TSPEAR: variants seen among roughly 807,000 people sequenced by gnomAD.
TSPEAR encodes the protein thrombospondin-type laminin G domain and EAR repeat-containing protein.
Under a neutral mutation model 71.6 loss-of-function variants are expected in TSPEAR, and 69 were observed. The observed-to-expected ratio is 0.96, with a 90% confidence interval of 0.79 to 1.18. The LOEUF is 1.18. Among genes scored for constraint, TSPEAR ranks in the 50% most tolerant of loss-of-function variants. The pLI, the probability that TSPEAR is intolerant of heterozygous loss-of-function variation, is 0.00. For synonymous variants in TSPEAR, 402 were observed against 387.2 expected (o/e 1.04, Z -0.45); for missense variants, 971 against 894.9 (o/e 1.09, Z -1.09).
intron 1 of TSPEAR, among the ~76,000 whole-genome samples, chr21:44,633,826 G>A (rs1379550457): frequency 6.6e-6 from 1 of 151,896 alleles, no homozygotes; most frequent in Non-Finnish European, 1.5e-5. Context: ...GTGACTTATT[G>A]AAGTCTTCAA....
chr21:44,685,351 C>T (rs1397405441), intron 1 of TSPEAR, among the ~76,000 whole-genome samples: 2 of 151,930 alleles, frequency 1.3e-5, no homozygotes, highest in South Asian at 2.1e-4. Context: ...TGAGGAGGAG[C>T]GTGCCATCCA....
rs1309305394 is a variant in TSPEAR, at chr21:44,710,315, G to A, written c.82+1118C>T. ...CTGTCCCCAACACCCAGGCAGTAAT[G>A]GTTCCAGCACGGAAGGTCTACCTAC... On this transcript the variant is annotated intron_variant, in intron 1 of 11. Transcript: ENST00000323084. The surrounding 1 kb of genome is among the most constrained non-coding windows in gnomAD (Gnocchi z 4.6). Among the ~76,000 whole-genome samples the A allele has an allele frequency of 6.6e-6, 1 of 152,180 alleles. No individual in the cohort carries two copies. Among genetic ancestry groups the A allele is most frequent in the Admixed American group, 6.5e-5 (1 of 15,292 alleles).
intron 1 of TSPEAR, chr21:44,574,659 T>C: frequency 6.2e-7 from 1 of 1,602,242 alleles, no homozygotes; most frequent in East Asian, 2.3e-5. Context: ...CTGCCAGCAG[T>C]CTAGCTGCCA....
rs562752434 is a variant in TSPEAR, at chr21:44,702,256, G to A, written c.82+9177C>T. Reference sequence around the variant, plus strand: ...TTCCACCAACTCCTGGCAGGTGGACGACTGCCCGGAGAGCTGCTGCGAGCC... The same window carrying A: ...TTCCACCAACTCCTGGCAGGTGGACAACTGCCCGGAGAGCTGCTGCGAGCC... On this transcript the variant is annotated intron_variant, in intron 1 of 11. Transcript: ENST00000323084. 172 of 1,605,336 alleles carry A rather than the reference G, an allele frequency of 1.1e-4. No homozygotes were observed. In the South Asian group the frequency reaches 1.3e-3, roughly 12 times the overall value.
At chr21:44,689,734 T>TATATATATATATATATAA (rs1200945937) in intron 1 of TSPEAR, among the ~76,000 whole-genome samples, 2 of 123,540 alleles carry the variant, frequency 1.6e-5, no homozygotes, top group Non-Finnish European at 3.3e-5. Context: ...TATATATATA[T>TATATATATATATATATAA]ATATATTTTG....
At chr21:44,570,462 C>A (rs1453434065) in intron 1 of TSPEAR, among the ~76,000 whole-genome samples, 1 of 152,172 alleles carries the variant, frequency 6.6e-6, no homozygotes, top group Non-Finnish European at 1.5e-5. Flanking sequence ...TTGACTCTAT[C>A]ATCGGTGAGA....
chr21:44,709,307 C>T (rs1381949741), intron 1 of TSPEAR, among the ~76,000 whole-genome samples: 1 of 152,246 alleles, frequency 6.6e-6, no homozygotes, highest in Non-Finnish European at 1.5e-5. Context: ...TTACAAGAAT[C>T]GGAAGGGTCC....
chr21:44,671,992 G>C (rs1986076379), intron 1 of TSPEAR, among the ~76,000 whole-genome samples: 1 of 151,966 alleles, frequency 6.6e-6, no homozygotes, highest in Admixed American at 6.5e-5. Flanking sequence ...AATCACCAAA[G>C]AGACAGATAT....
In TSPEAR at chr21:44,575,059, G is replaced by A. The variant is rs9979422; in HGVS notation, c.83-7054C>T. 11,582 of 1,544,100 alleles carry A rather than the reference G, an allele frequency of 7.5e-3. 746 individuals are homozygous for A. The African/African-American group carries it at 0.14, about 18-fold the overall frequency. On this transcript the variant is annotated intron_variant, in intron 1 of 11. Coordinates refer to ENST00000323084, the MANE Select transcript of TSPEAR (RefSeq NM_144991.3). ...CGCCCCCCAGTGCCAGCCAGGCTCA[G>A]GTCCCACCTGAAAGCTGATAGTCGC...
intron 1 of TSPEAR, among the ~76,000 whole-genome samples, chr21:44,669,882 GAAC>G (rs1248143663): frequency 3.3e-5 from 5 of 152,126 alleles, no homozygotes; most frequent in Non-Finnish European, 7.4e-5. Flanking sequence ...AGACTCTTGG[GAAC>G]AACAGGCCTG....
chr21:44,499,685 C>A lies in TSPEAR; in HGVS notation c.*98G>T. 7.4e-7 allele frequency: 1 copy of A among 1,345,988 alleles called. No homozygotes were observed. The highest frequency in any genetic ancestry group is 9.8e-7 in the Non-Finnish European group (1 of 1,016,784). The allele number at this position is 1,345,988 out of a possible 1,614,324, so 83.4% of individuals were successfully genotyped here. Reference sequence around the variant, plus strand: ...TGCCTGATGCCCAGGCCCGGGATGCCCTAGGCTGGGCCCACCTGGACGTCC... The same window carrying A: ...TGCCTGATGCCCAGGCCCGGGATGCACTAGGCTGGGCCCACCTGGACGTCC... On this transcript the variant is annotated 3_prime_UTR_variant, in exon 12 of 12. Coordinates refer to ENST00000323084, the MANE Select transcript of TSPEAR (RefSeq NM_144991.3).
chr21:44,640,156 GACAAGCAAAACACAGCCTATCCAC>G (rs1392432444), intron 1 of TSPEAR, among the ~76,000 whole-genome samples: 12 of 152,280 alleles, frequency 7.9e-5, no homozygotes, highest in South Asian at 6.2e-4. Context: ...AGGATGAATG[GACAAGCAAAACACAGCCTATCCAC>G]ACAAGCAAAA....
At chr21:44,545,711 TA>T (rs1569177768) in intron 2 of TSPEAR, among the ~76,000 whole-genome samples, 1 of 151,746 alleles carries the variant, frequency 6.6e-6, no homozygotes, top group Non-Finnish European at 1.5e-5. Flanking sequence ...TTGAGATGAA[TA>T]AAAAAGAAAA....
At chr21:44,601,270 G>C in intron 1 of TSPEAR, 1 of 1,608,708 alleles carries the variant, frequency 6.2e-7, no homozygotes, top group Non-Finnish European at 8.5e-7. Context: ...CTGCAAGCCG[G>C]CTTGCTGCAC....
rs184793815 is a variant in TSPEAR, at chr21:44,705,590, C to T, written c.82+5843G>A. ...ACTGGCCCCCCCGGGGCGTACCTGT[C>T]TCTTATGGTTGAGACTGCAGGGGTG... On this transcript the variant is annotated intron_variant, in intron 1 of 11. Transcript: ENST00000323084. Among the ~76,000 whole-genome samples, 111 of 152,320 alleles carry T rather than the reference C, an allele frequency of 7.3e-4. No homozygotes were observed. The East Asian group carries it at 0.021, about 28-fold the overall frequency.
At chr21:44,530,394 T>C (rs919840370) in intron 4 of TSPEAR, among the ~76,000 whole-genome samples, 1 of 148,028 alleles carries the variant, frequency 6.8e-6, no homozygotes, top group African/African-American at 2.6e-5. Flanking sequence ...CATCCATCCA[T>C]CCCTCCATCC....
intron 1 of TSPEAR, among the ~76,000 whole-genome samples, chr21:44,621,066 T>C (rs1426414755): frequency 6.6e-6 from 1 of 152,242 alleles, no homozygotes; most frequent in Non-Finnish European, 1.5e-5. Flanking sequence ...GCTAGTTTTG[T>C]GGCCTAAGGT....
chr21:44,648,604 C>G (rs1353902769), intron 1 of TSPEAR, among the ~76,000 whole-genome samples: 1 of 152,194 alleles, frequency 6.6e-6, no homozygotes, highest in African/African-American at 2.4e-5. Context: ...ACCAAAGGAA[C>G]AGGGGAGCCT....
chr21:44,657,828 G>T, intron 1 of TSPEAR: 1 of 723,212 alleles, frequency 1.4e-6, no homozygotes, highest in Non-Finnish European at 2.3e-6. Flanking sequence ...AAAATAAGAT[G>T]TTGGGAAACA....
Sources: allele counts gnomAD v4.1 joint callset (sites outside exome capture counted in the v4.1 genomes callset), GRCh38; gene constraint gnomAD v4.1.1; non-coding constraint Gnocchi (gnomAD v3.1); transcripts MANE v1.5; gene names NCBI Gene and HGNC (gene_info 2026-07-23, HGNC 2026-07-21).